EXOC4: variants seen among roughly 807,000 people sequenced by gnomAD.
The protein encoded by EXOC4 is SEC8-like 1.
Under a neutral mutation model 107.2 loss-of-function variants are expected in EXOC4, and 71 were observed. The ratio of observed to expected loss-of-function variants is 0.66; its 90% CI spans 0.55 to 0.81. The LOEUF (loss-of-function observed/expected upper bound fraction) is 0.81, where lower values mean the gene tolerates loss of function less well. Ranked by LOEUF, EXOC4 falls within the 30% of genes least tolerant of loss-of-function variation. The pLI, the probability that EXOC4 is intolerant of heterozygous loss-of-function variation, is 0.00. For missense variants in EXOC4, 1,108 were observed against 1,189.6 expected (o/e 0.93, Z 1.01); for synonymous variants, 456 against 441.2 (o/e 1.03, Z -0.42).
chr7:134,067,708 T>G (rs538546034), downstream of EXOC4, among the ~76,000 whole-genome samples: 105 of 150,378 alleles, frequency 7.0e-4, 1 homozygote, highest in Middle Eastern at 3.5e-3. Context: ...CTGGTGGTGG[T>G]TTCTTCTATA....
At position 133,863,942 on chromosome 7, in the gene EXOC4, A is replaced by G. The variant is rs539764511; in HGVS notation, c.1735-31657A>G. 2.0e-5 allele frequency among the ~76,000 whole-genome samples: 3 copies of G among 152,190 alleles called. No individual in the cohort carries two copies. In the East Asian group the frequency reaches 5.8e-4, roughly 30 times the overall value. On this transcript the variant is annotated intron_variant, in intron 11 of 17. Transcript: ENST00000253861. ...GTTTGTTTTCTGCTTGTATCTGCTT[A>G]GGGTGGTATTAGCAGCAGTAATAGG...
intron 11 of EXOC4, among the ~76,000 whole-genome samples, chr7:133,835,972 T>C (rs1017823056): frequency 6.6e-6 from 1 of 152,204 alleles, no homozygotes; most frequent in African/African-American, 2.4e-5. Flanking sequence ...TTAATTGCCT[T>C]AGTGCTAGCT....
intron 10 of EXOC4, among the ~76,000 whole-genome samples, chr7:133,779,614 A>G (rs572007011): frequency 6.6e-6 from 1 of 152,330 alleles, no homozygotes; most frequent in African/African-American, 2.4e-5. Context: ...AAATGCACCA[A>G]TCAGTGCTCT....
Position 134,004,952 on chromosome 7 carries a change from G to A in EXOC4, c.2389G>A (p.Gly797Arg). The A allele has an allele frequency of 6.2e-7, 1 of 1,613,416 alleles. No homozygotes were observed. Among genetic ancestry groups the A allele is most frequent in the East Asian group, 2.2e-5 (1 of 44,872 alleles). The part of the protein sequence containing the change: ...FHYLIPLAKE[G>R]NYAIVANVES... ...CTATCTTATCCCTCTTGCAAAGGAG[G>A]GGAACTATGCCATTGTGGCTAATGT... Residue 797 changes from glycine to arginine, a missense_variant, in exon 16 of 18, where the codon GGG (glycine) becomes AGG (arginine). Gly to Arg is a moderately radical substitution (Grantham distance 125). Transcript: ENST00000253861.
chr7:133,368,159 C>T (rs1422523023), intron 6 of EXOC4, among the ~76,000 whole-genome samples: 2 of 152,230 alleles, frequency 1.3e-5, no homozygotes, highest in East Asian at 1.9e-4. Context: ...TCTGCCTACA[C>T]TTTCTGGCCC....
chr7:133,474,963 T>C (rs1798976024), intron 7 of EXOC4, among the ~76,000 whole-genome samples: 1 of 152,198 alleles, frequency 6.6e-6, no homozygotes, highest in Admixed American at 6.5e-5. Flanking sequence ...TCAGTAAATG[T>C]TATGGCATTG....
At chr7:133,589,699 C>T (rs777373855) in intron 9 of EXOC4, among the ~76,000 whole-genome samples, 9 of 152,242 alleles carry the variant, frequency 5.9e-5, no homozygotes, top group East Asian at 1.9e-4. Context: ...TGTTCATTGT[C>T]GGCCCTCTTT....
intron 4 of EXOC4, among the ~76,000 whole-genome samples, chr7:133,308,926 A>G (rs1013191461): frequency 2.0e-5 from 3 of 152,092 alleles, no homozygotes; most frequent in African/African-American, 4.8e-5. Flanking sequence ...CCATCTTCCC[A>G]TATAGCTAGA....
chr7:133,539,754 G>A (rs1204415711), intron 9 of EXOC4, among the ~76,000 whole-genome samples: 2 of 152,090 alleles, frequency 1.3e-5, no homozygotes, highest in African/African-American at 4.8e-5. Context: ...AATGAAACCT[G>A]TTTGAAGATC....
At chr7:133,604,340 G>A (rs1453550213) in intron 9 of EXOC4, among the ~76,000 whole-genome samples, 1 of 152,182 alleles carries the variant, frequency 6.6e-6, no homozygotes, top group African/African-American at 2.4e-5. Context: ...TCATTAGTAA[G>A]TAATGTATAA....
intron 10 of EXOC4, among the ~76,000 whole-genome samples, chr7:133,676,259 C>T (rs1179294394): frequency 1.3e-5 from 2 of 151,984 alleles, no homozygotes; most frequent in East Asian, 3.8e-4. Flanking sequence ...TTATCTTCTA[C>T]TTCACCCGAC....
At chr7:133,938,151 T>G in intron 14 of EXOC4, 82 bp downstream of exon 14, 1 of 1,385,310 alleles carries the variant, frequency 7.2e-7, no homozygotes, top group Non-Finnish European at 1.0e-6. Context: ...GAGTGTACAC[T>G]GGTCACCGTA....
At chr7:133,668,998 C>G (rs1171066255) in intron 10 of EXOC4, among the ~76,000 whole-genome samples, 2 of 121,232 alleles carry the variant, frequency 1.6e-5, no homozygotes, top group Non-Finnish European at 1.7e-5. Flanking sequence ...TAGAATTGTT[C>G]TCCCAATTTT....
intron 11 of EXOC4, among the ~76,000 whole-genome samples, chr7:133,848,403 A>G (rs1798176851): frequency 6.6e-6 from 1 of 152,188 alleles, no homozygotes; most frequent in Non-Finnish European, 1.5e-5. Flanking sequence ...CAACTTGCCA[A>G]GATTTGATAC....
At chr7:133,735,363 A>G (rs1417627771) in intron 10 of EXOC4, among the ~76,000 whole-genome samples, 1 of 151,018 alleles carries the variant, frequency 6.6e-6, no homozygotes, top group Non-Finnish European at 1.5e-5. Context: ...CTGACTTTTA[A>G]TCTTAGCATA....
At chr7:133,749,711 A>G (rs1412326558) in intron 10 of EXOC4, among the ~76,000 whole-genome samples, 2 of 152,134 alleles carry the variant, frequency 1.3e-5, no homozygotes, top group African/African-American at 4.8e-5. Flanking sequence ...AGCTTGTTCA[A>G]TCTATGTCAT....
intron 15 of EXOC4, among the ~76,000 whole-genome samples, chr7:133,998,805 G>A (rs746940565): frequency 3.3e-5 from 5 of 152,180 alleles, no homozygotes; most frequent in Non-Finnish European, 7.3e-5. Context: ...AAATACAAAT[G>A]GAAGCAGGGT....
intron 14 of EXOC4, among the ~76,000 whole-genome samples, chr7:133,978,299 G>A (rs773728794): frequency 1.3e-4 from 20 of 152,178 alleles, no homozygotes; most frequent in South Asian, 2.1e-4. Flanking sequence ...TGAGATCTAC[G>A]TTTGTTGTAA....
chr7:133,796,668 G>GA (rs1796822152), intron 10 of EXOC4, among the ~76,000 whole-genome samples: 1 of 152,136 alleles, frequency 6.6e-6, no homozygotes, highest in African/African-American at 2.4e-5. Context: ...TGAGGCAGGA[G>GA]AATCGCTTGA....
Sources: allele counts gnomAD v4.1 joint callset (sites outside exome capture counted in the v4.1 genomes callset), GRCh38; gene constraint gnomAD v4.1.1; transcripts MANE v1.5; gene names NCBI Gene and HGNC (gene_info 2026-07-23, HGNC 2026-07-21).